The following KANSL1 variants were observed in gnomAD, a reference collection of about 807,000 sequenced individuals.
KANSL1 encodes the protein MLL1/MLL complex subunit KANSL1.
In KANSL1, 22 loss-of-function variants were observed where a neutral mutation model predicts 103.6. The ratio of observed to expected loss-of-function variants is 0.21; its 90% CI spans 0.15 to 0.30. The LOEUF (loss-of-function observed/expected upper bound fraction) is 0.30, where lower values mean the gene tolerates loss of function less well. Ranked by LOEUF, KANSL1 falls within the 10% of genes least tolerant of loss-of-function variation. The pLI, the probability that KANSL1 is intolerant of heterozygous loss-of-function variation, is 1.00. For synonymous variants in KANSL1, 600 were observed against 527.6 expected (o/e 1.14, Z -1.88); for missense variants, 1,337 against 1,399.8 (o/e 0.96, Z 0.72).
chr17:46,086,046 G>A (rs1196743512), intron 3 of KANSL1, among the ~76,000 whole-genome samples: 1 of 152,084 alleles, frequency 6.6e-6, no homozygotes, highest in Admixed American at 6.6e-5. Flanking sequence ...GCAAATATTT[G>A]TTGAGTTGTA....
At chr17:46,182,508 A>G (rs1012613967) in intron 1 of KANSL1, among the ~76,000 whole-genome samples, 3 of 152,254 alleles carry the variant, frequency 2.0e-5, no homozygotes, top group Admixed American at 6.5e-5. Flanking sequence ...AATGTGTGTC[A>G]CCCACAAGAC....
chr17:46,091,585 T>C (rs2079390198), intron 3 of KANSL1, among the ~76,000 whole-genome samples: 2 of 152,186 alleles, frequency 1.3e-5, no homozygotes, highest in African/African-American at 4.8e-5. Context: ...AAGTGCCCTA[T>C]ACAGGTGTAC....
At chr17:46,204,108 T>C (rs1051504871) in intron 1 of KANSL1, among the ~76,000 whole-genome samples, 6 of 152,010 alleles carry the variant, frequency 3.9e-5, no homozygotes, top group Admixed American at 1.3e-4. Flanking sequence ...CTTGAAACCA[T>C]AGGCCACTGT....
intron 1 of KANSL1, among the ~76,000 whole-genome samples, chr17:46,183,010 A>G (rs1256238196): frequency 6.6e-6 from 1 of 152,264 alleles, no homozygotes; most frequent in East Asian, 1.9e-4. Context: ...AAGGATGACA[A>G]GCAGCAGTAA....
intron 2 of KANSL1, among the ~76,000 whole-genome samples, chr17:46,108,979 T>C (rs1441846533): frequency 6.6e-6 from 1 of 152,218 alleles, no homozygotes; most frequent in African/African-American, 2.4e-5. Context: ...GATAGGATCT[T>C]GCACTGTCAC....
At chr17:46,062,114 C>CAAAAAAAAA (rs1192815524) in intron 6 of KANSL1, among the ~76,000 whole-genome samples, 1 of 37,126 alleles carries the variant, frequency 2.7e-5, no homozygotes, top group African/African-American at 6.8e-5. Flanking sequence ...AAAAAACAAA[C>CAAAAAAAAA]AAACAAAAAA....
At chr17:46,058,863 C>G (rs924596059) in intron 6 of KANSL1, among the ~76,000 whole-genome samples, 1 of 151,030 alleles carries the variant, frequency 6.6e-6, no homozygotes, top group African/African-American at 2.4e-5. Context: ...AAGAACCTGG[C>G]CAACATGGCG....
intron 2 of KANSL1, among the ~76,000 whole-genome samples, chr17:46,124,281 T>C (rs114479171): frequency 6.6e-6 from 1 of 152,216 alleles, no homozygotes; most frequent in African/African-American, 2.4e-5. Context: ...CTGCCTATGC[T>C]CTATAAATGA....
intron 1 of KANSL1, among the ~76,000 whole-genome samples, chr17:46,208,481 T>C (rs111785345): frequency 0.029 from 4,369 of 151,772 alleles, 177 homozygotes; most frequent in African/African-American, 0.088. Flanking sequence ...GGTGTGGCAG[T>C]GCACACCTGT....
At chr17:46,041,216 T>C (rs965315579) in intron 7 of KANSL1, 1 of 152,236 alleles carries the variant, frequency 6.6e-6, no homozygotes, top group Admixed American at 6.5e-5. Context: ...GGATTTTCTA[T>C]AGACATAAGT....
chr17:46,068,704 T>G (rs1284373359), intron 4 of KANSL1, among the ~76,000 whole-genome samples: 5 of 152,196 alleles, frequency 3.3e-5, no homozygotes, highest in African/African-American at 1.2e-4. Flanking sequence ...AAATCAAATA[T>G]GTTTAGAATA....
At chr17:46,186,937 G>A (rs1223781916) in intron 1 of KANSL1, among the ~76,000 whole-genome samples, 1 of 151,932 alleles carries the variant, frequency 6.6e-6, no homozygotes, top group African/African-American at 2.4e-5. Flanking sequence ...GTTTCACCAT[G>A]TTAAGCCAGG....
chr17:46,172,599 T>G (rs1204216120), intron 1 of KANSL1, among the ~76,000 whole-genome samples: 1 of 152,154 alleles, frequency 6.6e-6, no homozygotes, highest in African/African-American at 2.4e-5. Flanking sequence ...GCAAGACACA[T>G]CAAACTAAGC....
intron 1 of KANSL1, among the ~76,000 whole-genome samples, chr17:46,213,688 T>G (rs2048246013): frequency 6.6e-6 from 1 of 150,764 alleles, no homozygotes; most frequent in Admixed American, 6.6e-5. Context: ...GAGGCCGAGG[T>G]GGGTGGATCA....
chr17:46,140,637 T>C (rs1228813144), intron 2 of KANSL1, among the ~76,000 whole-genome samples: 1 of 152,192 alleles, frequency 6.6e-6, no homozygotes, highest in East Asian at 1.9e-4. Flanking sequence ...CTGAAAATCA[T>C]CTATTTGACA....
chr17:46,038,406 T>C (rs2077212456), intron 10 of KANSL1, 132 bp downstream of exon 10: 2 of 927,348 alleles, frequency 2.2e-6, no homozygotes, highest in East Asian at 2.6e-5. Flanking sequence ...CATACATACA[T>C]ATGTCATGAT....
At chr17:46,080,833 G>C (rs2078964396) in intron 4 of KANSL1, among the ~76,000 whole-genome samples, 1 of 150,504 alleles carries the variant, frequency 6.6e-6, no homozygotes, top group Non-Finnish European at 1.5e-5. Flanking sequence ...TGACAAAATA[G>C]TGACAGTGTA....
chr17:46,126,481 C>T (rs1420689218), intron 2 of KANSL1, among the ~76,000 whole-genome samples: 1 of 147,686 alleles, frequency 6.8e-6, no homozygotes, highest in South Asian at 2.1e-4. Context: ...CTAGACCACA[C>T]TGCTTTTCTC....
At chr17:46,148,798 C>CT (rs1210287048) in intron 2 of KANSL1, among the ~76,000 whole-genome samples, 1 of 151,460 alleles carries the variant, frequency 6.6e-6, no homozygotes, top group African/African-American at 2.4e-5. Context: ...GTTGGCCAGG[C>CT]TGGTCTGGAA....
Sources: gnomAD v4.1 joint callset for allele counts (sites outside exome capture counted in the v4.1 genomes callset) on GRCh38, gnomAD v4.1.1 for gene constraint, MANE v1.5 for transcripts, NCBI Gene and HGNC (gene_info 2026-07-23, HGNC 2026-07-21) for gene names.